LARP4: variants seen among roughly 807,000 people sequenced by gnomAD.
The protein encoded by LARP4 is la-related protein 4.
A neutral mutation model predicts 92.9 loss-of-function variants in LARP4; 29 were observed. That is an observed-to-expected ratio of 0.31 (90% CI 0.23 to 0.43). The LOEUF (loss-of-function observed/expected upper bound fraction) is 0.43, where lower values mean the gene tolerates loss of function less well. Among genes scored for constraint, LARP4 ranks in the 20% least tolerant of loss-of-function variants. The probability of loss-of-function intolerance (pLI) is 1.00; values close to 1 mark genes in which losing one functional copy is unlikely to be tolerated. For synonymous variants in LARP4, 279 were observed against 284.1 expected (o/e 0.98, Z 0.18); for missense variants, 732 against 860.0 (o/e 0.85, Z 1.86).
At chr12:50,401,654 A>G (rs1943870227) in intron 1 of LARP4, among the ~76,000 whole-genome samples, 1 of 152,170 alleles carries the variant, frequency 6.6e-6, no homozygotes, top group Non-Finnish European at 1.5e-5. Flanking sequence ...GACCTTTTGT[A>G]AAAGTTACTC....
intron 8 of LARP4, among the ~76,000 whole-genome samples, chr12:50,451,002 A>G (rs932324799): frequency 6.6e-6 from 1 of 152,158 alleles, no homozygotes; most frequent in African/African-American, 2.4e-5. Flanking sequence ...AATTAGTGTT[A>G]GTGAATAGTC....
intron 1 of LARP4, among the ~76,000 whole-genome samples, chr12:50,406,180 A>G (rs1365132395): frequency 6.6e-6 from 1 of 152,186 alleles, no homozygotes; most frequent in African/African-American, 2.4e-5. Flanking sequence ...TAATTAAAAC[A>G]TATTTTAGGT....
At chr12:50,460,066 C>T (rs914450241) in intron 10 of LARP4, among the ~76,000 whole-genome samples, 1 of 150,482 alleles carries the variant, frequency 6.6e-6, no homozygotes, top group African/African-American at 2.4e-5. Flanking sequence ...ATCTGGGAGG[C>T]AGAGGTTGCA....
intron 1 of LARP4, among the ~76,000 whole-genome samples, chr12:50,413,789 A>G (rs1427133907): frequency 6.6e-6 from 1 of 152,190 alleles, no homozygotes; most frequent in Non-Finnish European, 1.5e-5. Context: ...CACCTTGCGT[A>G]ACTATAGTAT....
In LARP4 at chr12:50,435,497, G is replaced by C. The variant is rs774854357; in HGVS notation, c.408G>C (p.Leu136Phe). 27 of 1,534,386 alleles carry C rather than the reference G, an allele frequency of 1.8e-5. No individual in the cohort carries two copies. Among genetic ancestry groups the C allele is most frequent in the Non-Finnish European group, 2.2e-5 (24 of 1,114,364 alleles). The change falls in exon 5 of 16, where the codon TTG (leucine) becomes TTC (phenylalanine). Residue 136 changes from leucine to phenylalanine, a missense_variant. Physicochemically the swap from Leu to Phe is conservative, Grantham distance 22. Transcript: ENST00000398473. ...TATTTTGTTTTTTCAGAGAAAATTTGTCAAAGGATCTTTACTTGATATCTC... is the reference window on the plus strand; with the variant it reads ...TATTTTGTTTTTTCAGAGAAAATTTCTCAAAGGATCTTTACTTGATATCTC... ...QLEFCFSREN[L>F]SKDLYLISQM... is the part of the protein sequence containing the mutation.
chr12:50,441,093 C>T (rs1458609140), intron 7 of LARP4, among the ~76,000 whole-genome samples: 1 of 152,124 alleles, frequency 6.6e-6, no homozygotes, highest in African/African-American at 2.4e-5. Context: ...CCATATTGGT[C>T]AGGCCGGTCT....
intron 1 of LARP4, among the ~76,000 whole-genome samples, chr12:50,422,110 T>TA (rs1387455401): frequency 6.6e-6 from 1 of 151,824 alleles, no homozygotes; most frequent in African/African-American, 2.4e-5. Context: ...GCTGGGACTA[T>TA]AGGCATCCAC....
At chr12:50,452,727 T>TA (rs1332558320) in intron 8 of LARP4, among the ~76,000 whole-genome samples, 1 of 152,218 alleles carries the variant, frequency 6.6e-6, no homozygotes, top group African/African-American at 2.4e-5. Flanking sequence ...TGAGTGAGTT[T>TA]AGCATCTGTT....
rs141782223 is a variant in LARP4, at chr12:50,460,787, C to G, written c.1122-348C>G. Among the ~76,000 whole-genome samples, 1,486 of 152,118 alleles carry G rather than the reference C, an allele frequency of 9.8e-3. 28 individuals are homozygous for G. The highest frequency in any genetic ancestry group is 0.034 in the African/African-American group (1,421 of 41,514). The stretch of plus-strand genomic sequence containing the variant: ...AACCCCATCTCTACTAAACAAAATA[C>G]AAAAAATTAGCTGGACGTGGTGGCT... On this transcript the variant is annotated intron_variant, in intron 10 of 15. Transcript: ENST00000398473.
intron 1 of LARP4, among the ~76,000 whole-genome samples, chr12:50,418,925 T>C (rs1395312258): frequency 6.6e-6 from 1 of 152,180 alleles, no homozygotes; most frequent in Non-Finnish European, 1.5e-5. Flanking sequence ...TCTTCCTATG[T>C]TGCCAGGCTG....
At chr12:50,406,125 G>A (rs1944786763) in intron 1 of LARP4, among the ~76,000 whole-genome samples, 1 of 152,082 alleles carries the variant, frequency 6.6e-6, no homozygotes, top group African/African-American at 2.4e-5. Flanking sequence ...TACTTAGGTA[G>A]CAGTTAAGTT....
chr12:50,470,415 T>C (rs533589027), intron 13 of LARP4, among the ~76,000 whole-genome samples: 2 of 152,042 alleles, frequency 1.3e-5, no homozygotes, highest in Admixed American at 6.6e-5. Flanking sequence ...AACACACATA[T>C]ATACTTTCTT....
Position 50,437,818 on chromosome 12 carries a change from C to G in LARP4, c.619C>G (p.Pro207Ala). The G allele has an allele frequency of 6.3e-7, 1 of 1,588,058 alleles. No individual in the cohort carries two copies. The highest frequency in any genetic ancestry group is 8.6e-7 in the Non-Finnish European group (1 of 1,157,206). Residue 207 changes from proline (P) to alanine (A), a missense_variant, in exon 6 of 16, where the codon CCT becomes GCT. By Grantham distance (27) the Pro-to-Ala change is conservative. Transcript: ENST00000398473. ...TTGTATTGTAATTCTTAGAGAGATT[C>G]CTGAAACAACACCAATAGAGGTAAA... ...KRCIVILREI[P>A]ETTPIEEVKG...
intron 2 of LARP4, 57 bp from the exon 3 acceptor site, chr12:50,428,878 C>T (rs1216163842): frequency 1.5e-6 from 2 of 1,364,916 alleles, no homozygotes; most frequent in Admixed American, 5.0e-5. Flanking sequence ...GCCCAGAGTT[C>T]CTGAGAATAG....
In LARP4 at chr12:50,418,658, C is replaced by T. The variant is rs149234480; in HGVS notation, c.19-9104C>T. ...CTGGTCTCGAACTCCTGAGCTCAAG[C>T]GATTTGCCTGCCTCAGCCTCCCATA... On this transcript the variant is annotated intron_variant, in intron 1 of 15. Transcript: ENST00000398473. Among the ~76,000 whole-genome samples, 1,490 of 152,036 alleles carry T rather than the reference C, an allele frequency of 9.8e-3. 29 individuals are homozygous for T. Among genetic ancestry groups the T allele is most frequent in the African/African-American group, 0.034 (1,423 of 41,468 alleles).
intron 1 of LARP4, among the ~76,000 whole-genome samples, chr12:50,419,604 T>C (rs1307698159): frequency 6.6e-6 from 1 of 152,076 alleles, no homozygotes. Flanking sequence ...AAATAAATTA[T>C]CTCCTTAAGA....
At chr12:50,458,318 CAG>C (rs567951099) in intron 10 of LARP4, among the ~76,000 whole-genome samples, 2 of 151,876 alleles carry the variant, frequency 1.3e-5, no homozygotes, top group African/African-American at 2.4e-5. Context: ...TAGTTAGAGA[CAG>C]AGGGTTTCAC....
At chr12:50,404,687 T>G (rs1199978326) in intron 1 of LARP4, among the ~76,000 whole-genome samples, 2 of 143,362 alleles carry the variant, frequency 1.4e-5, no homozygotes, top group Admixed American at 7.0e-5. Context: ...AGCAGTTTTT[T>G]TTTTTTTTTT....
rs753238544 is a variant in LARP4, at chr12:50,461,086, T to C, written c.1122-49T>C. 25 of 1,504,520 alleles carry C rather than the reference T, an allele frequency of 1.7e-5. No homozygotes were observed. In the South Asian group the frequency reaches 2.8e-4, roughly 17 times the overall value. 93.2% of individuals were successfully genotyped at this position (1,504,520 alleles called of 1,614,324 possible). Reference sequence around the variant, plus strand: ...ATTTTTTACCTAAGGAAAGATGTTTTTCTGTCTCGATTTACTGCTTTGTGT... The same window carrying C: ...ATTTTTTACCTAAGGAAAGATGTTTCTCTGTCTCGATTTACTGCTTTGTGT... On this transcript the variant is annotated intron_variant, in intron 10 of 15. Transcript: ENST00000398473.
Sources: gnomAD v4.1 joint callset for allele counts (sites outside exome capture counted in the v4.1 genomes callset) on GRCh38, gnomAD v4.1.1 for gene constraint, MANE v1.5 for transcripts, NCBI Gene and HGNC (gene_info 2026-07-23, HGNC 2026-07-21) for gene names.